ELMO1: variants seen among roughly 807,000 people sequenced by gnomAD.
ELMO1 encodes engulfment and cell motility 1.
ELMO1 carries 26 observed loss-of-function variants against 98.9 expected under a neutral mutation model. That is an observed-to-expected ratio of 0.26 (90% CI 0.19 to 0.36). ELMO1 has a LOEUF of 0.36. Among genes scored for constraint, ELMO1 ranks in the 10% least tolerant of loss-of-function variants. The pLI, the probability that ELMO1 is intolerant of heterozygous loss-of-function variation, is 1.00. For synonymous variants in ELMO1, 346 were observed against 346.0 expected, an observed-to-expected ratio of 1.00 and a Z score of 0.00; for missense variants, 627 against 935.2, an observed-to-expected ratio of 0.67 and a Z score of 4.30.
At chr7:37,402,749 A>G (rs547087229) in intron 1 of ELMO1, among the ~76,000 whole-genome samples, 1 of 152,374 alleles carries the variant, frequency 6.6e-6, no homozygotes, top group African/African-American at 2.4e-5. Flanking sequence ...TGGATATTTC[A>G]GAATCAGGGT....
chr7:36,883,195 T>G (rs1168891461), intron 18 of ELMO1, among the ~76,000 whole-genome samples: 2 of 152,186 alleles, frequency 1.3e-5, no homozygotes, highest in Non-Finnish European at 2.9e-5. Flanking sequence ...ATGTCAGCAC[T>G]TAGGGAATGC....
In ELMO1 at chr7:37,192,826, G is replaced by GTA. The variant is rs543812597; in HGVS notation, c.1086+18558_1086+18559dup. Among the ~76,000 whole-genome samples, 518 of 143,920 alleles carry GTA rather than the reference G, an allele frequency of 3.6e-3. 4 individuals carry two copies. Among genetic ancestry groups the GTA allele is most frequent in the Middle Eastern group, 0.018 (5 of 272 alleles). 94.4% of individuals were successfully genotyped at this position (143,920 alleles called of 152,430 possible). A position where few individuals can be genotyped will look rare whatever the true frequency, so the allele number is the denominator to read the frequency against. On this transcript the variant is annotated intron_variant, in intron 13 of 21. Transcript: ENST00000310758. ...AAAAAAAAAAAAAATGTGTGTGTGT[G>GTA]TATATATGTATATATGACATATATA...
intron 4 of ELMO1, among the ~76,000 whole-genome samples, chr7:37,308,408 G>T (rs57193747): frequency 6.6e-6 from 1 of 152,108 alleles, no homozygotes; most frequent in Non-Finnish European, 1.5e-5. Flanking sequence ...ATGGTCCTAC[G>T]CTGGCTTTAT....
chr7:36,872,381 G>A (rs1803599870), intron 19 of ELMO1, among the ~76,000 whole-genome samples: 2 of 152,204 alleles, frequency 1.3e-5, no homozygotes, highest in Admixed American at 6.5e-5. Context: ...ATGACTATAT[G>A]GAGCAGCCCT....
intron 20 of ELMO1, among the ~76,000 whole-genome samples, chr7:36,867,105 T>C (rs915121197): frequency 8.5e-5 from 13 of 152,222 alleles, no homozygotes; most frequent in African/African-American, 2.9e-4. Flanking sequence ...TAGCTAGAAA[T>C]ACGGGCCAGT....
chr7:37,152,491 C>T (rs1374291247), intron 13 of ELMO1, among the ~76,000 whole-genome samples: 1 of 150,692 alleles, frequency 6.6e-6, no homozygotes. Context: ...GTAACAGCCA[C>T]TTAGTTTATA....
At chr7:37,278,502 C>A (rs1438398478) in intron 4 of ELMO1, among the ~76,000 whole-genome samples, 1 of 151,818 alleles carries the variant, frequency 6.6e-6, no homozygotes, top group Non-Finnish European at 1.5e-5. Flanking sequence ...GAGCAAGACC[C>A]TGTCTCTTCA....
Position 37,096,603 on chromosome 7 carries a change from A to G in ELMO1, c.1300+16T>C. On this transcript the variant is annotated intron_variant, in intron 15 of 21. Coordinates refer to ENST00000310758, the MANE Select transcript of ELMO1 (RefSeq NM_014800.11). ...TCTGCCAGCTTCACACCCATGTGGG[A>G]AATAAGTATACTTACGCAACTCGCC... 6.2e-7 allele frequency: 1 copy of G among 1,611,660 alleles called. No homozygotes were observed. The highest frequency in any genetic ancestry group is 8.5e-7 in the Non-Finnish European group (1 of 1,177,800).
intron 10 of ELMO1, 144 bp downstream of exon 10, chr7:37,222,471 C>A (rs137929359): frequency 1.0e-5 from 8 of 799,468 alleles, no homozygotes; most frequent in African/African-American, 3.5e-5. Context: ...AGCCGTGCAG[C>A]GGAACATAGC....
At chr7:37,392,934 G>A (rs953678496) in intron 1 of ELMO1, among the ~76,000 whole-genome samples, 10 of 152,092 alleles carry the variant, frequency 6.6e-5, no homozygotes, top group Non-Finnish European at 1.3e-4. Context: ...TGCACTTAAG[G>A]CCACCTCCTG....
chr7:36,892,237 G>A lies in ELMO1; in HGVS notation c.1601+2617C>T, dbSNP rs549292964. Reference sequence around the variant, plus strand: ...CACAGAGGGAGGAGGGCAGCCTGATGGCTAGTGGGATTCCCCACTGGTGGT... The same window carrying A: ...CACAGAGGGAGGAGGGCAGCCTGATAGCTAGTGGGATTCCCCACTGGTGGT... On this transcript the variant is annotated intron_variant, in intron 17 of 21. Coordinates refer to ENST00000310758, the MANE Select transcript of ELMO1 (RefSeq NM_014800.11). 9.8e-5 allele frequency among the ~76,000 whole-genome samples: 15 copies of A among 152,316 alleles called. No individual in the cohort carries two copies. In the South Asian group the frequency reaches 2.5e-3, roughly 25 times the overall value.
chr7:36,958,636 C>T (rs1355854221), intron 16 of ELMO1, among the ~76,000 whole-genome samples: 1 of 152,214 alleles, frequency 6.6e-6, no homozygotes, highest in African/African-American at 2.4e-5. Context: ...CTTCATTTTA[C>T]AATAGAACTT....
intron 15 of ELMO1, among the ~76,000 whole-genome samples, chr7:37,051,944 A>T (rs937684358): frequency 3.3e-5 from 5 of 152,236 alleles, no homozygotes; most frequent in Non-Finnish European, 7.3e-5. Flanking sequence ...TGGGATTCAA[A>T]GAAAGCTGCC....
In ELMO1 at chr7:36,926,066, C is replaced by T. The variant is rs1023975603; in HGVS notation, c.1438-31049G>A. ...CCCTTCATCTTCATTCTTCCATCCC[C>T]AGAACCCAGCTTGGCTACAACTGCA... On this transcript the variant is annotated intron_variant, in intron 16 of 21. Coordinates refer to ENST00000310758, the MANE Select transcript of ELMO1 (RefSeq NM_014800.11). Among the ~76,000 whole-genome samples, 9 of 152,296 alleles carry T rather than the reference C, an allele frequency of 5.9e-5. No homozygotes were observed. In the East Asian group the frequency reaches 1.2e-3, roughly 20 times the overall value.
chr7:37,420,945 C>T (rs2131531612), intron 1 of ELMO1, among the ~76,000 whole-genome samples: 1 of 151,774 alleles, frequency 6.6e-6, no homozygotes, highest in Non-Finnish European at 1.5e-5. Flanking sequence ...AACTGATTTA[C>T]ACCAAGTCTA....
chr7:37,426,154 T>C, intron 1 of ELMO1, among the ~76,000 whole-genome samples: 1 of 139,532 alleles, frequency 7.2e-6, no homozygotes. Flanking sequence ...TTTTTTTTTT[T>C]TTTTTTTTTT....
intron 15 of ELMO1, among the ~76,000 whole-genome samples, chr7:37,075,280 G>T (rs1797510840): frequency 6.6e-6 from 1 of 151,188 alleles, no homozygotes; most frequent in African/African-American, 2.4e-5. Context: ...CCAAGTAGCT[G>T]GGACTACAGG....
chr7:37,409,485 T>C (rs1803907636), intron 1 of ELMO1, among the ~76,000 whole-genome samples: 1 of 152,206 alleles, frequency 6.6e-6, no homozygotes, highest in African/African-American at 2.4e-5. Flanking sequence ...GGTTTGTCTA[T>C]GCTCCATGCA....
intron 16 of ELMO1, among the ~76,000 whole-genome samples, chr7:36,992,130 C>T (rs1315725077): frequency 6.6e-6 from 1 of 152,166 alleles, no homozygotes; most frequent in Non-Finnish European, 1.5e-5. Flanking sequence ...GTAAGTGATA[C>T]CTACGAACAG....
Sources: gnomAD v4.1 joint callset for allele counts (sites outside exome capture counted in the v4.1 genomes callset) on GRCh38, gnomAD v4.1.1 for gene constraint, MANE v1.5 for transcripts, NCBI Gene and HGNC (gene_info 2026-07-23, HGNC 2026-07-21) for gene names.